Variants in VSNL1 observed in about 807,000 individuals in gnomAD.
VSNL1 encodes visinin like 1, also known as visinin-like protein 1.
VSNL1 carries 6 observed loss-of-function variants against 20.4 expected under a neutral mutation model. The observed-to-expected ratio is 0.29, with a 90% confidence interval of 0.16 to 0.58. The LOEUF (loss-of-function observed/expected upper bound fraction) is 0.58, where lower values mean the gene tolerates loss of function less well. Among genes scored for constraint, VSNL1 ranks in the 20% least tolerant of loss-of-function variants. The pLI is 0.90. For synonymous variants in VSNL1, 93 were observed against 86.4 expected (o/e 1.08, Z -0.42); for missense variants, 100 against 234.5 (o/e 0.43, Z 3.75).
intron 2 of VSNL1, among the ~76,000 whole-genome samples, chr2:17,594,149 A>T (rs1257955498): frequency 6.6e-6 from 1 of 152,224 alleles, no homozygotes; most frequent in East Asian, 1.9e-4. Flanking sequence ...GGGGTCATGT[A>T]AACATTAAGC....
At chr2:17,569,419 T>C (rs900710715) in intron 1 of VSNL1, among the ~76,000 whole-genome samples, 12 of 151,970 alleles carry the variant, frequency 7.9e-5, no homozygotes, top group African/African-American at 2.9e-4. Context: ...ACTCTGAAAT[T>C]TGTAAAATGT....
At chr2:17,592,523 G>A (rs1300876000) in intron 2 of VSNL1, among the ~76,000 whole-genome samples, 1 of 151,296 alleles carries the variant, frequency 6.6e-6, no homozygotes, top group African/African-American at 2.4e-5. Context: ...AGAGAAGAGT[G>A]TTTGCTGATA....
chr2:17,559,731 G>C (rs1045710849), intron 1 of VSNL1, among the ~76,000 whole-genome samples: 1 of 152,070 alleles, frequency 6.6e-6, no homozygotes, highest in Non-Finnish European at 1.5e-5. Context: ...ATCTAGCAAT[G>C]AGCCAGTTTT....
chr2:17,586,360 AGCT>A (rs2103370479), intron 1 of VSNL1, among the ~76,000 whole-genome samples: 1 of 152,312 alleles, frequency 6.6e-6, no homozygotes, highest in African/African-American at 2.4e-5. Flanking sequence ...CAACCCACTA[AGCT>A]GTATTTTTAA....
intron 1 of VSNL1, among the ~76,000 whole-genome samples, chr2:17,573,037 G>A (rs1000353289): frequency 2.0e-5 from 3 of 152,232 alleles, no homozygotes; most frequent in Non-Finnish European, 4.4e-5. Flanking sequence ...CCTCAGAGGA[G>A]ATTATGACTA....
chr2:17,654,105 C>T (rs573412919), intron 3 of VSNL1, among the ~76,000 whole-genome samples: 1 of 152,326 alleles, frequency 6.6e-6, no homozygotes, highest in South Asian at 2.1e-4. Flanking sequence ...TATTTGTTTA[C>T]AGTTGATGAG....
rs563936845 is a variant in VSNL1 at position 17,650,175 on chromosome 2, C to G, written c.378+550C>G. ...TCAGGGCCTTCCACTTCCTCTCTCT[C>G]TGCCCAGCATGCCCTCCCCTGGCCT... On this transcript the variant is annotated intron_variant, in intron 3 of 3. Coordinates refer to ENST00000295156, the MANE Select transcript of VSNL1 (RefSeq NM_003385.5). Among the ~76,000 whole-genome samples, 6 of 152,282 alleles carry G rather than the reference C, an allele frequency of 3.9e-5. No homozygotes were observed. In the East Asian group the frequency reaches 1.2e-3, roughly 29 times the overall value.
At chr2:17,642,394 C>T (rs189537055) in intron 2 of VSNL1, among the ~76,000 whole-genome samples, 235 of 145,034 alleles carry the variant, frequency 1.6e-3, no homozygotes, top group African/African-American at 4.9e-3. Context: ...CTGCAAGCTC[C>T]GCCTCCCAGC....
intron 3 of VSNL1, among the ~76,000 whole-genome samples, chr2:17,652,653 G>A (rs1355280400): frequency 6.6e-6 from 1 of 152,234 alleles, no homozygotes; most frequent in Admixed American, 6.5e-5. Flanking sequence ...TTTGCATTAA[G>A]AACTAGAATG....
At chr2:17,572,064 G>A (rs114888442) in intron 1 of VSNL1, among the ~76,000 whole-genome samples, 1 of 152,168 alleles carries the variant, frequency 6.6e-6, no homozygotes, top group African/African-American at 2.4e-5. Context: ...TAGAAAGAAC[G>A]TGCACCCTGA....
chr2:17,653,185 C>T (rs6751113), intron 3 of VSNL1, among the ~76,000 whole-genome samples: 66,743 of 151,908 alleles, frequency 0.44, 15,754 homozygotes, highest in African/African-American at 0.58. Flanking sequence ...GCATCTGAAA[C>T]GGCCCTTCTT....
rs1666212872 is a variant in VSNL1 at position 17,655,500 on chromosome 2, C to CAA, written c.*108_*109dup. On this transcript the variant is annotated 3_prime_UTR_variant, in exon 4 of 4. Transcript: ENST00000295156. This position sits in a 1 kb window ranked among gnomAD's most constrained non-coding sequence, Gnocchi z 5.2. The stretch of plus-strand genomic sequence containing the variant: ...ACACACACACACACACACACACACA[C>CAA]AAATATTGCTTGGACTACCTATAAA... The CAA allele has an allele frequency of 2.1e-6, 2 of 954,646 alleles. No homozygotes were observed. The highest frequency in any genetic ancestry group is 1.9e-5 in the South Asian group (1 of 52,834). 59.1% of individuals were successfully genotyped at this position (954,646 alleles called of 1,614,324 possible).
In VSNL1 at chr2:17,656,340, A is replaced by G. The variant is rs1282751003; in HGVS notation, c.*946A>G. On this transcript the variant is annotated 3_prime_UTR_variant, in exon 4 of 4. Transcript: ENST00000295156. ...TTCCAACTTTTCATCCAGGCTCCCA[A>G]AAGAGGGACAACGAACATGGCATGT... The G allele has an allele frequency of 6.6e-6, 1 of 152,246 alleles. No individual in the cohort carries two copies. The highest frequency in any genetic ancestry group is 1.5e-5 in the Non-Finnish European group (1 of 68,048). 9.4% of individuals were successfully genotyped at this position (152,246 alleles called of 1,614,324 possible).
intron 1 of VSNL1, among the ~76,000 whole-genome samples, chr2:17,573,227 A>G (rs1211730712): frequency 2.0e-5 from 3 of 152,200 alleles, no homozygotes; most frequent in Non-Finnish European, 4.4e-5. Context: ...GTCTGGGAGC[A>G]TGAAGTGGGA....
At chr2:17,650,250 C>T (rs1013783374) in intron 3 of VSNL1, among the ~76,000 whole-genome samples, 1 of 152,214 alleles carries the variant, frequency 6.6e-6, no homozygotes, top group Non-Finnish European at 1.5e-5. Flanking sequence ...TATCCCATCT[C>T]CCAGAGAGGT....
At chr2:17,618,681 A>G (rs1416048401) in intron 2 of VSNL1, among the ~76,000 whole-genome samples, 1 of 152,196 alleles carries the variant, frequency 6.6e-6, no homozygotes, top group African/African-American at 2.4e-5. Context: ...TAATAATAAT[A>G]TTTCCGACAG....
At chr2:17,637,689 A>G (rs1305890576) in intron 2 of VSNL1, among the ~76,000 whole-genome samples, 1 of 152,186 alleles carries the variant, frequency 6.6e-6, no homozygotes, top group Non-Finnish European at 1.5e-5. Flanking sequence ...TGCAAACCCC[A>G]GCCTCAACCC....
In VSNL1 at chr2:17,551,493, G is replaced by A. The variant is rs139930874; in HGVS notation, c.-6+10575G>A. 1.5e-3 allele frequency among the ~76,000 whole-genome samples: 231 copies of A among 152,332 alleles called. 2 individuals carry two copies. Among genetic ancestry groups the A allele is most frequent in the South Asian group, 3.3e-3 (16 of 4,828 alleles). On this transcript the variant is annotated intron_variant, in intron 1 of 3. Transcript: ENST00000295156. Reference sequence around the variant, plus strand: ...GGAGGCATGATAGAGCATGTTTGCAGCAGTGATGAGAGAATAATGTAGCCA... The same window carrying A: ...GGAGGCATGATAGAGCATGTTTGCAACAGTGATGAGAGAATAATGTAGCCA...
chr2:17,550,580 A>G (rs1663510564), intron 1 of VSNL1, among the ~76,000 whole-genome samples: 1 of 152,208 alleles, frequency 6.6e-6, no homozygotes, highest in African/African-American at 2.4e-5. Flanking sequence ...TACTGGGGTT[A>G]AGAGAAGCCC....
Sources: gnomAD v4.1 joint callset for allele counts (sites outside exome capture counted in the v4.1 genomes callset) on GRCh38, gnomAD v4.1.1 for gene constraint, Gnocchi (gnomAD v3.1) non-coding constraint, MANE v1.5 for transcripts, NCBI Gene and HGNC (gene_info 2026-07-23, HGNC 2026-07-21) for gene names.